MED13L: variants seen among roughly 807,000 people sequenced by gnomAD.
MED13L encodes mediator complex subunit 13L.
A neutral mutation model predicts 220.9 loss-of-function variants in MED13L; 7 were observed. The ratio of observed to expected loss-of-function variants is 0.03; its 90% CI spans 0.02 to 0.06. MED13L has a LOEUF of 0.06. MED13L is among the 10% of genes least tolerant of loss of function. The pLI is 1.00. For synonymous variants in MED13L, 1,011 were observed against 1,015.2 expected (o/e 1.00, Z 0.08); for missense variants, 1,965 against 2,760.5 (o/e 0.71, Z 6.46).
rs746605046 is a variant in MED13L at position 115,961,141 on chromosome 12, C to T, written c.*125G>A. 1.6e-6 allele frequency: 2 copies of T among 1,252,948 alleles called. No individual in the cohort carries two copies. The highest frequency in any genetic ancestry group is 2.3e-6 in the Non-Finnish European group (2 of 865,342). 77.6% of individuals were successfully genotyped at this position (1,252,948 alleles called of 1,614,324 possible). ...ACATGTGCCTGCTGAGAAGGAATCA[C>T]AGTGCAGGACTGTGGAGAGTGGTCT... is the stretch of plus-strand genomic sequence containing the variant. On this transcript the variant is annotated 3_prime_UTR_variant, in exon 31 of 31. Coordinates refer to ENST00000281928, the MANE Select transcript of MED13L (RefSeq NM_015335.5).
chr12:116,019,201 G>C (rs974857211), intron 7 of MED13L, 23 bp downstream of exon 7: 1 of 1,607,808 alleles, frequency 6.2e-7, no homozygotes, highest in Non-Finnish European at 8.5e-7. Context: ...CTTCTCCCCA[G>C]GACACTCCTG....
intron 4 of MED13L, among the ~76,000 whole-genome samples, chr12:116,035,913 C>T (rs960848144): frequency 2.0e-5 from 3 of 152,138 alleles, no homozygotes; most frequent in Admixed American, 6.6e-5. Context: ...AATTTGTTTT[C>T]ACTCTATCCT....
At chr12:116,042,760 T>C (rs1473837148) in intron 4 of MED13L, among the ~76,000 whole-genome samples, 1 of 152,078 alleles carries the variant, frequency 6.6e-6, no homozygotes, top group African/African-American at 2.4e-5. Flanking sequence ...ATGAGGCTGA[T>C]AGCGTAAAAA....
chr12:116,072,006 T>C (rs959954628), intron 4 of MED13L, among the ~76,000 whole-genome samples: 2 of 152,236 alleles, frequency 1.3e-5, no homozygotes, highest in East Asian at 1.9e-4. Flanking sequence ...TAGATTTTTA[T>C]TCACATTGGA....
intron 1 of MED13L, among the ~76,000 whole-genome samples, chr12:116,272,946 A>G (rs1474177613): frequency 6.6e-6 from 1 of 152,264 alleles, no homozygotes; most frequent in African/African-American, 2.4e-5. Flanking sequence ...CTGTAACACC[A>G]TGTGCTACTA....
intron 2 of MED13L, among the ~76,000 whole-genome samples, chr12:116,171,780 C>T (rs754256686): frequency 6.6e-6 from 1 of 152,174 alleles, no homozygotes; most frequent in Admixed American, 6.5e-5. Flanking sequence ...CTCTTTTCCA[C>T]TCACAGTACT....
intron 4 of MED13L, among the ~76,000 whole-genome samples, chr12:116,023,333 C>T (rs1354943578): frequency 6.6e-6 from 1 of 152,098 alleles, no homozygotes; most frequent in Non-Finnish European, 1.5e-5. Flanking sequence ...AGAAGGCAAC[C>T]CCTCAGCACA....
chr12:116,224,333 C>T (rs897355105), intron 2 of MED13L, among the ~76,000 whole-genome samples: 1 of 152,188 alleles, frequency 6.6e-6, no homozygotes, highest in African/African-American at 2.4e-5. Flanking sequence ...ACATGCTTGT[C>T]CTGACATAGC....
chr12:116,230,345 A>G (rs898306882), intron 2 of MED13L: 1 of 322,316 alleles, frequency 3.1e-6, no homozygotes, highest in Non-Finnish European at 4.5e-6. Context: ...GGCTGCCATG[A>G]GCCAAGATCA....
chr12:116,104,989 T>C (rs943882300), intron 3 of MED13L, among the ~76,000 whole-genome samples: 2 of 152,202 alleles, frequency 1.3e-5, no homozygotes, highest in Non-Finnish European at 2.9e-5. Context: ...AACTTTTACA[T>C]CCAATATTTT....
At chr12:116,276,970 G>A in intron 1 of MED13L, 90 bp downstream of exon 1, 1 of 1,385,856 alleles carries the variant, frequency 7.2e-7, no homozygotes, top group South Asian at 1.2e-5. Context: ...CGAAGTCCCG[G>A]CGGCGGGAGG....
chr12:116,216,394 C>T (rs1282592602), intron 2 of MED13L, among the ~76,000 whole-genome samples: 1 of 152,110 alleles, frequency 6.6e-6, no homozygotes, highest in Non-Finnish European at 1.5e-5. Flanking sequence ...TTCCCAATTC[C>T]CAGAGAACTT....
In MED13L at chr12:115,991,768, A is replaced by C. The variant is rs1451075123; in HGVS notation, c.3186T>G (p.Gly1062=). 1 of 1,613,376 alleles carries C rather than the reference A, an allele frequency of 6.2e-7. No individual in the cohort carries two copies. The change falls in exon 17 of 31, where the codon GGT becomes GGG. Residue 1062 remains glycine (G), a synonymous_variant. Coordinates refer to ENST00000281928, the MANE Select transcript of MED13L (RefSeq NM_015335.5). This position sits in a 1 kb window ranked among gnomAD's most constrained non-coding sequence, Gnocchi z 7.7. ...ACCCTTGACCACTGGCAGTGCCCCC[A>C]CCTCTGGGAGTTCTTGGGGTCCTGG... ...RTPRTPRTPR[G]GGTASGQGSV... is the part of the protein sequence containing the mutation.
At chr12:116,210,546 G>A (rs1443998438) in intron 2 of MED13L, among the ~76,000 whole-genome samples, 7 of 92,136 alleles carry the variant, frequency 7.6e-5, no homozygotes, top group African/African-American at 2.8e-4. Flanking sequence ...ACCGCAGAAC[G>A]TAACCTATAT....
At chr12:116,266,117 C>CA (rs1297945200) in intron 1 of MED13L, among the ~76,000 whole-genome samples, 2 of 152,172 alleles carry the variant, frequency 1.3e-5, no homozygotes, top group East Asian at 3.8e-4. Context: ...TCAAATTTCT[C>CA]AAACATAGCG....
At chr12:116,072,926 T>C (rs1050856880) in intron 4 of MED13L, among the ~76,000 whole-genome samples, 4 of 152,192 alleles carry the variant, frequency 2.6e-5, no homozygotes, top group Admixed American at 6.5e-5. Context: ...AAAATAGCAT[T>C]GATTCATTTG....
chr12:116,077,059 CCTCTT>C (rs1433018356), intron 4 of MED13L, among the ~76,000 whole-genome samples: 2 of 152,216 alleles, frequency 1.3e-5, no homozygotes, highest in Non-Finnish European at 2.9e-5. Flanking sequence ...CTGCTTCCCT[CCTCTT>C]GATTCCACCC....
chr12:116,195,221 C>A (rs1251355461), intron 2 of MED13L, among the ~76,000 whole-genome samples: 1 of 151,556 alleles, frequency 6.6e-6, no homozygotes, highest in African/African-American at 2.4e-5. Context: ...TATCTACCAT[C>A]AGTGGGAGAC....
chr12:116,025,326 C>G (rs1210337053), intron 4 of MED13L, among the ~76,000 whole-genome samples: 1 of 152,130 alleles, frequency 6.6e-6, no homozygotes, highest in East Asian at 1.9e-4. Context: ...TATAAAGATT[C>G]CTCAAAATGT....
Sources: allele counts gnomAD v4.1 joint callset (sites outside exome capture counted in the v4.1 genomes callset), GRCh38; gene constraint gnomAD v4.1.1; non-coding constraint Gnocchi (gnomAD v3.1); transcripts MANE v1.5; gene names NCBI Gene and HGNC (gene_info 2026-07-23, HGNC 2026-07-21).